Variants in SLC5A9 observed in about 807,000 individuals in gnomAD.
SLC5A9 encodes solute carrier family 5 member 9, also known as sodium/glucose cotransporter 4.
A neutral mutation model predicts 70.9 loss-of-function variants in SLC5A9; 59 were observed. The ratio of observed to expected loss-of-function variants is 0.83; its 90% CI spans 0.68 to 1.03. SLC5A9 has a LOEUF of 1.03. Among genes scored for constraint, SLC5A9 ranks in the 50% least tolerant of loss-of-function variants. The probability of loss-of-function intolerance (pLI) is 0.00; values close to 1 mark genes in which losing one functional copy is unlikely to be tolerated. For missense variants in SLC5A9, 832 were observed against 881.1 expected (o/e 0.94, Z 0.71); for synonymous variants, 340 against 346.5 (o/e 0.98, Z 0.21).
chr1:48,237,893 G>A (rs1309262001), intron 11 of SLC5A9, 46 bp downstream of exon 11: 5 of 1,593,038 alleles, frequency 3.1e-6, no homozygotes, highest in Admixed American at 1.7e-5. Flanking sequence ...AGGGGCTGGA[G>A]ACCTGGTCTG....
In SLC5A9 at chr1:48,232,165, C is replaced by A; in HGVS notation, c.897+14C>A. The A allele has an allele frequency of 6.2e-7, 1 of 1,601,606 alleles. No individual in the cohort carries two copies. The highest frequency in any genetic ancestry group is 8.5e-7 in the Non-Finnish European group (1 of 1,171,408). On this transcript the variant is annotated intron_variant, in intron 7 of 13. Coordinates refer to ENST00000438567, the MANE Select transcript of SLC5A9 (RefSeq NM_001011547.3). ...TGCACAGACCAGGTAATCCCCCAGC[C>A]AGGCTTAGCCCAGCCTGCCAGGAAG...
At chr1:48,224,863 G>A (rs1644122278) in intron 2 of SLC5A9, 68 bp downstream of exon 2, 3 of 1,444,574 alleles carry the variant, frequency 2.1e-6, no homozygotes, top group African/African-American at 1.4e-5. Flanking sequence ...CACTATCCAA[G>A]CACTTGTCCC....
intron 2 of SLC5A9, among the ~76,000 whole-genome samples, chr1:48,225,577 A>G (rs1242946780): frequency 1.3e-5 from 2 of 152,070 alleles, no homozygotes; most frequent in Admixed American, 1.3e-4. Context: ...GAAGCAGTAT[A>G]CACACCCAGG....
chr1:48,243,721 TA>T (rs1185635387), intron 13 of SLC5A9, among the ~76,000 whole-genome samples: 1 of 147,020 alleles, frequency 6.8e-6, no homozygotes, highest in Non-Finnish European at 1.5e-5. Context: ...GAAACTAAAA[TA>T]AAAGTAAAAG....
intron 9 of SLC5A9, among the ~76,000 whole-genome samples, chr1:48,234,222 G>A (rs187941289): frequency 8.9e-4 from 136 of 152,338 alleles, no homozygotes; most frequent in Non-Finnish European, 1.7e-3. Context: ...GAAGCTGTGC[G>A]TGCAAAGGCC....
In SLC5A9 at chr1:48,247,177, A is replaced by G. The variant is rs1468556652; in HGVS notation, c.1838-158A>G. Among the ~76,000 whole-genome samples the G allele has an allele frequency of 1.3e-5, 2 of 152,106 alleles. 1 individual carries two copies. Among genetic ancestry groups the G allele is most frequent in the East Asian group, 3.9e-4 (2 of 5,190 alleles). On this transcript the variant is annotated intron_variant, in intron 13 of 13. Coordinates refer to ENST00000438567, the MANE Select transcript of SLC5A9 (RefSeq NM_001011547.3). ...TGTGGTTTGCAGAAAGTACAAGTCTATGGCTTCACCCCTCCCCAGTTTCTG... is the reference window on the plus strand; with the variant it reads ...TGTGGTTTGCAGAAAGTACAAGTCTGTGGCTTCACCCCTCCCCAGTTTCTG...
chr1:48,239,388 T>C lies in SLC5A9; in HGVS notation c.1528T>C (p.Tyr510His). The C allele has an allele frequency of 6.2e-7, 1 of 1,614,150 alleles. No homozygotes were observed. The highest frequency in any genetic ancestry group is 8.5e-7 in the Non-Finnish European group (1 of 1,180,000). The change falls in exon 12 of 14, where the codon TAC (tyrosine) becomes CAC (histidine). Residue 510 changes from tyrosine to histidine, a missense_variant. Tyr to His is a moderately conservative substitution (Grantham distance 83). Transcript: ENST00000438567. This position sits in a 1 kb window ranked among gnomAD's most constrained non-coding sequence, Gnocchi z 4.2. ...TCTGCGTATGATCCTGGAGTTCTCATACCCAGCGCCAGCCTGTGGGGAGGT... is the reference window on the plus strand; with the variant it reads ...TCTGCGTATGATCCTGGAGTTCTCACACCCAGCGCCAGCCTGTGGGGAGGT... ...GLLRMILEFS[Y>H]PAPACGEVDR...
chr1:48,235,028 G>A (rs1377197748), intron 9 of SLC5A9, among the ~76,000 whole-genome samples: 1 of 152,132 alleles, frequency 6.6e-6, no homozygotes, highest in Non-Finnish European at 1.5e-5. Flanking sequence ...AAAGAGGACT[G>A]AGGTGGCACC....
At chr1:48,242,069 T>A in intron 12 of SLC5A9, 2 of 461,320 alleles carry the variant, frequency 4.3e-6, no homozygotes, top group Non-Finnish European at 8.7e-6. Flanking sequence ...CTGCAGTGAC[T>A]CTCCATTGCC....
At chr1:48,235,589 TG>T (rs1644314463) in intron 9 of SLC5A9, 139 bp from the exon 10 acceptor site, 1 of 933,456 alleles carries the variant, frequency 1.1e-6, no homozygotes, top group Non-Finnish European at 1.6e-6. Flanking sequence ...CTGTGCTGGA[TG>T]GGAGCCTCAT....
In SLC5A9 at chr1:48,239,601, T is replaced by C. The variant is rs1644369586; in HGVS notation, c.1677+64T>C. The C allele has an allele frequency of 1.4e-6, 2 of 1,473,972 alleles. No homozygotes were observed. Among genetic ancestry groups the C allele is most frequent in the Admixed American group, 3.4e-5 (2 of 59,398 alleles). The allele number at this position is 1,473,972 out of a possible 1,614,324, so 91.3% of individuals were successfully genotyped here. ...TCTCCCTTCCCCCATAGCCTAGAAT[T>C]CCACTGCTGACTTTTACTCTGTTGG... On this transcript the variant is annotated intron_variant, in intron 12 of 13. Coordinates refer to ENST00000438567, the MANE Select transcript of SLC5A9 (RefSeq NM_001011547.3). This position sits in a 1 kb window ranked among gnomAD's most constrained non-coding sequence, Gnocchi z 4.2.
intron 9 of SLC5A9, among the ~76,000 whole-genome samples, chr1:48,234,972 A>G (rs1335832115): frequency 6.6e-6 from 1 of 152,110 alleles, no homozygotes; most frequent in Non-Finnish European, 1.5e-5. Flanking sequence ...ACTTCAAGGG[A>G]GAGAGGGGGA....
rs148677917 is a variant in SLC5A9 at position 48,233,675 on chromosome 1, C to A, written c.1054C>A (p.Pro352Thr). 1 of 1,613,900 alleles carries A rather than the reference C, an allele frequency of 6.2e-7. No individual in the cohort carries two copies. Among genetic ancestry groups the A allele is most frequent in the Admixed American group, 1.7e-5 (1 of 60,000 alleles). The part of the protein sequence containing the change: ...LFPDEVGCVD[P>T]DVCQRICGAR... ...CACAGACGAGGTGGGCTGCGTGGAC[C>A]CTGATGTCTGCCAAAGAATCTGTGG... The change falls in exon 9 of 14, where the codon CCT becomes ACT. Residue 352 changes from proline to threonine, a missense_variant. Physicochemically the swap from Pro to Thr is conservative, Grantham distance 38. Transcript: ENST00000438567.
chr1:48,235,735 G>C lies in SLC5A9; in HGVS notation c.1148G>C (p.Arg383Pro). 1 of 1,614,104 alleles carries C rather than the reference G, an allele frequency of 6.2e-7. No homozygotes were observed. Among genetic ancestry groups the C allele is most frequent in the Non-Finnish European group, 8.5e-7 (1 of 1,180,016 alleles). ...GAGCCTCGTCTCTCCCCAGGTCTGC[G>C]GGGGCTGATGATTGCCGTGATCATG... The part of the protein sequence containing the change: ...LVMALMPVGL[R>P]GLMIAVIMAA... Residue 383 changes from arginine (R) to proline (P), a missense_variant, in exon 10 of 14, where the codon CGG (arginine) becomes CCG (proline). Arg to Pro is a moderately radical substitution (Grantham distance 103). Transcript: ENST00000438567.
intron 13 of SLC5A9, among the ~76,000 whole-genome samples, chr1:48,245,292 C>T (rs970514209): frequency 1.7e-4 from 26 of 152,046 alleles, no homozygotes; most frequent in Admixed American, 1.5e-3. Flanking sequence ...TACTTTCCCA[C>T]GGCTGAAACC....
chr1:48,222,962 G>A (rs1569799313), intron 1 of SLC5A9, 64 bp downstream of exon 1: 4 of 1,561,056 alleles, frequency 2.6e-6, no homozygotes, highest in Middle Eastern at 1.7e-4. Context: ...CTTGGGTGGG[G>A]CTGTGGAGCT....
chr1:48,232,222 C>G (rs1644259362), intron 7 of SLC5A9, 71 bp downstream of exon 7: 2 of 1,565,086 alleles, frequency 1.3e-6, no homozygotes, highest in Non-Finnish European at 1.7e-6. Flanking sequence ...AACCCAGTGC[C>G]TGGATGCATA....
intron 2 of SLC5A9, among the ~76,000 whole-genome samples, chr1:48,226,774 T>A (rs1009134864): frequency 2.0e-5 from 3 of 152,098 alleles, no homozygotes; most frequent in African/African-American, 7.2e-5. Flanking sequence ...GCAGGAGAAG[T>A]GAGGTTAAAA....
rs771048498 is a variant in SLC5A9 at position 48,229,395 on chromosome 1, G to T, written c.440G>T (p.Gly147Val). The change falls in exon 4 of 14, where the codon GGC (glycine) becomes GTC (valine). Residue 147 changes from glycine to valine, a missense_variant. Gly to Val is a moderately radical substitution (Grantham distance 109). Coordinates refer to ENST00000438567, the MANE Select transcript of SLC5A9 (RefSeq NM_001011547.3). Reference sequence around the variant, plus strand: ...CAGTATCTGAAGAAGCGATTTGGGGGCCAGAGGATCCAGGTGTACATGTCT... The same window carrying T: ...CAGTATCTGAAGAAGCGATTTGGGGTCCAGAGGATCCAGGTGTACATGTCT... ...MPQYLKKRFG[G>V]QRIQVYMSVL... 1 of 1,614,134 alleles carries T rather than the reference G, an allele frequency of 6.2e-7. No individual in the cohort carries two copies. Among genetic ancestry groups the T allele is most frequent in the East Asian group, 2.2e-5 (1 of 44,860 alleles).
Sources: gnomAD v4.1 joint callset for allele counts (sites outside exome capture counted in the v4.1 genomes callset) on GRCh38, gnomAD v4.1.1 for gene constraint, Gnocchi (gnomAD v3.1) non-coding constraint, MANE v1.5 for transcripts, NCBI Gene and HGNC (gene_info 2026-07-23, HGNC 2026-07-21) for gene names.